The following FBXO11 variants were observed in gnomAD, a reference collection of about 807,000 sequenced individuals.
FBXO11 encodes the protein F-box only protein 11.
FBXO11 carries 13 observed loss-of-function variants against 117.0 expected under a neutral mutation model. The observed-to-expected ratio is 0.11, with a 90% confidence interval of 0.07 to 0.18. The LOEUF (loss-of-function observed/expected upper bound fraction) is 0.18, where lower values mean the gene tolerates loss of function less well. FBXO11 is among the 10% of genes least tolerant of loss of function. The pLI, the probability that FBXO11 is intolerant of heterozygous loss-of-function variation, is 1.00. For synonymous variants in FBXO11, 490 were observed against 380.5 expected (o/e 1.29, Z -3.35); for missense variants, 767 against 1,164.4 (o/e 0.66, Z 4.97).
intron 1 of FBXO11, among the ~76,000 whole-genome samples, chr2:47,864,396 T>C (rs1263876871): frequency 6.6e-6 from 1 of 152,184 alleles, no homozygotes; most frequent in African/African-American, 2.4e-5. Context: ...AAGACCAGCC[T>C]GGCCAACATG....
At chr2:47,819,846 G>T (rs1671256074) in intron 14 of FBXO11, among the ~76,000 whole-genome samples, 1 of 152,084 alleles carries the variant, frequency 6.6e-6, no homozygotes, top group South Asian at 2.1e-4. Flanking sequence ...CCTTGCATAA[G>T]GACCTTTTTG....
chr2:47,882,829 T>C (rs188460334), intron 1 of FBXO11, among the ~76,000 whole-genome samples: 105 of 152,264 alleles, frequency 6.9e-4, no homozygotes, highest in East Asian at 6.8e-3. Context: ...TTTTGTACTT[T>C]TTTAGAGACA....
intron 1 of FBXO11, among the ~76,000 whole-genome samples, chr2:47,888,043 GAT>G (rs537692577): frequency 2.6e-5 from 4 of 151,442 alleles, no homozygotes; most frequent in South Asian, 2.1e-4. Context: ...AAAAATGAAA[GAT>G]ATATATATAT....
intron 16 of FBXO11, among the ~76,000 whole-genome samples, chr2:47,814,970 A>G (rs1670908018): frequency 6.6e-6 from 1 of 152,124 alleles, no homozygotes; most frequent in South Asian, 2.1e-4. Flanking sequence ...GCAACTCCTC[A>G]TCTGTCCAAG....
At chr2:47,842,958 C>A (rs974891973) in intron 1 of FBXO11, among the ~76,000 whole-genome samples, 19 of 151,840 alleles carry the variant, frequency 1.3e-4, no homozygotes, top group African/African-American at 4.6e-4. Flanking sequence ...TTAAAAACAA[C>A]TTTTTTTTGT....
At chr2:47,832,734 A>C (rs752870931) in intron 9 of FBXO11, 35 bp downstream of exon 9, 2 of 1,607,972 alleles carry the variant, frequency 1.2e-6, no homozygotes, top group South Asian at 2.2e-5. Context: ...ACAGTGACTC[A>C]AAATTTTATT....
chr2:47,877,681 C>T (rs1676109447), intron 1 of FBXO11, among the ~76,000 whole-genome samples: 1 of 151,944 alleles, frequency 6.6e-6, no homozygotes, highest in African/African-American at 2.4e-5. Flanking sequence ...TAAGGTTTTT[C>T]GTTTCGTTTT....
chr2:47,866,805 G>T (rs1444212341), intron 1 of FBXO11, among the ~76,000 whole-genome samples: 1 of 152,126 alleles, frequency 6.6e-6, no homozygotes, highest in Admixed American at 6.5e-5. Context: ...CCTTTCAGCT[G>T]CATGTCACTT....
At chr2:47,836,252 A>G (rs1672553668) in intron 4 of FBXO11, among the ~76,000 whole-genome samples, 1 of 152,114 alleles carries the variant, frequency 6.6e-6, no homozygotes. Flanking sequence ...CAGCCTCCTG[A>G]GTAGCTGAGA....
In FBXO11 at chr2:47,905,955, G is replaced by T. The variant is rs914746183; in HGVS notation, c.-235C>A. On this transcript the variant is annotated 5_prime_UTR_variant, in exon 1 of 23. Transcript: ENST00000403359. ...CCGGCCGGGAGGGCCTGACGCACGG[G>T]GAAGGCCGAAGCCGCCGGGCGGGGC... 6.6e-6 allele frequency: 3 copies of T among 452,510 alleles called. No homozygotes were observed. 28.0% of individuals were successfully genotyped at this position (452,510 alleles called of 1,614,324 possible). A position where few individuals can be genotyped will look rare whatever the true frequency, so the allele number is the denominator to read the frequency against.
intron 1 of FBXO11, chr2:47,904,959 A>C (rs1225931639): frequency 2.0e-5 from 3 of 152,160 alleles, no homozygotes; most frequent in Non-Finnish European, 4.4e-5. Flanking sequence ...TCCCCTGCCA[A>C]CACCACAGAC....
intron 1 of FBXO11, among the ~76,000 whole-genome samples, chr2:47,850,854 T>C (rs1330441825): frequency 1.3e-5 from 2 of 152,178 alleles, no homozygotes; most frequent in African/African-American, 2.4e-5. Context: ...AAATAGTCTC[T>C]CCCCAGAATG....
intron 1 of FBXO11, among the ~76,000 whole-genome samples, chr2:47,880,882 A>G (rs1676379395): frequency 6.6e-6 from 1 of 151,428 alleles, no homozygotes. Flanking sequence ...TAAACCAGAG[A>G]GTGGGTTTTG....
At chr2:47,850,060 A>C (rs1455300343) in intron 1 of FBXO11, among the ~76,000 whole-genome samples, 1 of 152,228 alleles carries the variant, frequency 6.6e-6, no homozygotes, top group Non-Finnish European at 1.5e-5. Context: ...GCTACAGCAC[A>C]ATACAACTCA....
intron 11 of FBXO11, among the ~76,000 whole-genome samples, chr2:47,828,805 G>T (rs1011308683): frequency 1.3e-5 from 2 of 152,164 alleles, no homozygotes; most frequent in Non-Finnish European, 2.9e-5. Context: ...TAGTACCTTA[G>T]ACTTTCAATG....
chr2:47,830,633 A>G (rs1257613464), intron 11 of FBXO11, among the ~76,000 whole-genome samples: 1 of 152,196 alleles, frequency 6.6e-6, no homozygotes, highest in Non-Finnish European at 1.5e-5. Flanking sequence ...TCCTTAATGG[A>G]AATATCTATC....
At position 47,807,137 on chromosome 2, in the gene FBXO11, C is replaced by A; in HGVS notation, c.*981G>T. Reference sequence around the variant, plus strand: ...AAATGGGGGAGGAAAAGCTATGAAACTGTATAGGGCTGTATATATACTTGT... The same window carrying A: ...AAATGGGGGAGGAAAAGCTATGAAAATGTATAGGGCTGTATATATACTTGT... On this transcript the variant is annotated 3_prime_UTR_variant, in exon 23 of 23. Coordinates refer to ENST00000403359, the MANE Select transcript of FBXO11 (RefSeq NM_001190274.2). 2.5e-6 allele frequency: 1 copy of A among 402,396 alleles called. No homozygotes were observed. Among genetic ancestry groups the A allele is most frequent in the Non-Finnish European group, 4.5e-6 (1 of 222,702 alleles). The allele number at this position is 402,396 out of a possible 1,614,324, so 24.9% of individuals were successfully genotyped here. A position where few individuals can be genotyped will look rare whatever the true frequency, so the allele number is the denominator to read the frequency against.
In FBXO11 at chr2:47,865,194, C is replaced by T. The variant is rs925202420; in HGVS notation, c.233-25425G>A. Reference sequence around the variant, plus strand: ...GTATCTTTGTGACAGAAACTGCTATCACCCCAAATCTATTTACCCCTTCGG... The same window carrying T: ...GTATCTTTGTGACAGAAACTGCTATTACCCCAAATCTATTTACCCCTTCGG... On this transcript the variant is annotated intron_variant, in intron 1 of 22. Transcript: ENST00000403359. Among the ~76,000 whole-genome samples, 11 of 152,324 alleles carry T rather than the reference C, an allele frequency of 7.2e-5. No homozygotes were observed. In the South Asian group the frequency reaches 2.3e-3, roughly 32 times the overall value.
chr2:47,862,191 G>C (rs985828801), intron 1 of FBXO11, among the ~76,000 whole-genome samples: 6 of 152,114 alleles, frequency 3.9e-5, no homozygotes, highest in Non-Finnish European at 8.8e-5. Flanking sequence ...AAAGTGCTGG[G>C]ACTACACAGG....
Sources: allele counts gnomAD v4.1 joint callset (sites outside exome capture counted in the v4.1 genomes callset), GRCh38; gene constraint gnomAD v4.1.1; transcripts MANE v1.5; gene names NCBI Gene and HGNC (gene_info 2026-07-23, HGNC 2026-07-21).